The following BCKDHB variants were observed in gnomAD, a reference collection of about 807,000 sequenced individuals.
BCKDHB encodes 2-oxoisovalerate dehydrogenase subunit beta, mitochondrial.
In BCKDHB, 41 loss-of-function variants were observed where a neutral mutation model predicts 48.5. That is an observed-to-expected ratio of 0.85 (90% CI 0.66 to 1.10). The LOEUF (loss-of-function observed/expected upper bound fraction) is 1.10. Among genes scored for constraint, BCKDHB ranks in the 50% least tolerant of loss-of-function variants. BCKDHB has a pLI of 0.00. For synonymous variants in BCKDHB, 201 were observed against 174.8 expected (o/e 1.15, Z -1.18); for missense variants, 496 against 494.2 (o/e 1.00, Z -0.03).
At chr6:80,302,413 CA>C (rs1767633090) in intron 9 of BCKDHB, among the ~76,000 whole-genome samples, 1 of 151,970 alleles carries the variant, frequency 6.6e-6, no homozygotes, top group Non-Finnish European at 1.5e-5. Context: ...TTTTTTCTTA[CA>C]AATTTTTGCA....
intron 3 of BCKDHB, among the ~76,000 whole-genome samples, chr6:80,159,630 C>A (rs546398847): frequency 6.6e-6 from 1 of 152,256 alleles, no homozygotes; most frequent in South Asian, 2.1e-4. Flanking sequence ...TTATCTTTAT[C>A]AAATTTTTCA....
At chr6:80,457,215 C>T in the BCKDHB span, among the ~76,000 whole-genome samples, 2 of 152,188 alleles carry the variant, frequency 1.3e-5, no homozygotes, top group Non-Finnish European at 2.9e-5. Flanking sequence ...CTGAACATGG[C>T]ATACCTGGTG....
intron 6 of BCKDHB, among the ~76,000 whole-genome samples, chr6:80,186,576 G>T (rs1773651853): frequency 6.6e-6 from 1 of 152,320 alleles, no homozygotes; most frequent in South Asian, 2.1e-4. Flanking sequence ...GCTTGTATCT[G>T]CAAGTTATAT....
the BCKDHB span, among the ~76,000 whole-genome samples, chr6:80,431,205 T>A: frequency 6.6e-6 from 1 of 152,208 alleles, no homozygotes; most frequent in Non-Finnish European, 1.5e-5. Flanking sequence ...TTATTTCAGT[T>A]CTTTTGCATT....
rs926938301 is a variant in BCKDHB at position 80,308,061 on chromosome 6, A to G, written c.1038+34840A>G. 8 of 314,650 alleles carry G rather than the reference A, an allele frequency of 2.5e-5. No individual in the cohort carries two copies. In the Admixed American group the frequency reaches 5.2e-4, roughly 20 times the overall value. 19.5% of individuals were successfully genotyped at this position (314,650 alleles called of 1,614,324 possible). ...TAGTCTAGTGAGAAATAAAACAAAT[A>G]TATGAATTAATTATAATATAAAATA... On this transcript the variant is annotated intron_variant, in intron 9 of 9. Coordinates refer to ENST00000320393, the MANE Select transcript of BCKDHB (RefSeq NM_183050.4).
intron 6 of BCKDHB, among the ~76,000 whole-genome samples, chr6:80,177,202 T>C (rs925092398): frequency 7.8e-5 from 9 of 114,996 alleles, no homozygotes; most frequent in Admixed American, 2.6e-4. Flanking sequence ...CATTCTAGCC[T>C]GGATGACAGT....
the BCKDHB span, among the ~76,000 whole-genome samples, chr6:80,457,059 T>C: frequency 1.3e-5 from 2 of 152,216 alleles, no homozygotes; most frequent in Non-Finnish European, 2.9e-5. Context: ...ACTTATATTG[T>C]GAACTTATGT....
chr6:80,220,734 C>CTTTTTTTTTTTTTTTTTTT (rs67235328), intron 8 of BCKDHB, among the ~76,000 whole-genome samples: 2 of 121,954 alleles, frequency 1.6e-5, no homozygotes, highest in African/African-American at 3.0e-5. Context: ...TTTTCTTTTT[C>CTTTTTTTTTTTTTTTTTTT]TTTTTTTTTT....
intron 1 of BCKDHB, among the ~76,000 whole-genome samples, chr6:80,114,527 G>A (rs916768677): frequency 3.9e-5 from 6 of 152,126 alleles, no homozygotes; most frequent in Non-Finnish European, 8.8e-5. Context: ...GGGATAAAAG[G>A]CATGAGCCAC....
At chr6:80,152,881 C>T (rs1448820106) in intron 3 of BCKDHB, among the ~76,000 whole-genome samples, 2 of 152,146 alleles carry the variant, frequency 1.3e-5, no homozygotes, top group Non-Finnish European at 2.9e-5. Flanking sequence ...GCATATAGCT[C>T]AGGGACCCTT....
chr6:80,374,103 A>G, the BCKDHB span: 2 of 702,980 alleles, frequency 2.8e-6, no homozygotes, highest in East Asian at 5.8e-5. Context: ...TTTAGGAGCA[A>G]TCTGTTCCTT....
intron 9 of BCKDHB, among the ~76,000 whole-genome samples, chr6:80,338,671 T>G (rs1769725777): frequency 6.6e-6 from 1 of 152,192 alleles, no homozygotes; most frequent in Non-Finnish European, 1.5e-5. Context: ...TTAATGATAA[T>G]TTGTTCTATT....
intron 8 of BCKDHB, among the ~76,000 whole-genome samples, chr6:80,229,459 G>A (rs943512001): frequency 4.6e-5 from 7 of 152,150 alleles, no homozygotes; most frequent in African/African-American, 1.7e-4. Flanking sequence ...ACAGCAATAA[G>A]CTTGGTGTGG....
At chr6:80,226,563 G>GT (rs1314255819) in intron 8 of BCKDHB, among the ~76,000 whole-genome samples, 2 of 152,214 alleles carry the variant, frequency 1.3e-5, no homozygotes, top group African/African-American at 4.8e-5. Flanking sequence ...TCTTTGACAA[G>GT]TAAGTGTTGA....
chr6:80,279,975 T>C (rs1352319640), intron 9 of BCKDHB, among the ~76,000 whole-genome samples: 1 of 152,114 alleles, frequency 6.6e-6, no homozygotes, highest in Admixed American at 6.6e-5. Context: ...TGAAGGTAGG[T>C]GGGTATTTCA....
the BCKDHB span, among the ~76,000 whole-genome samples, chr6:80,369,643 C>T: frequency 2.0e-5 from 3 of 152,198 alleles, no homozygotes; most frequent in African/African-American, 7.2e-5. Context: ...CACTAACTGC[C>T]TGCAACGCCA....
intron 9 of BCKDHB, among the ~76,000 whole-genome samples, chr6:80,310,989 T>A (rs534994190): frequency 6.6e-6 from 1 of 152,206 alleles, no homozygotes; most frequent in African/African-American, 2.4e-5. Context: ...TTATAAATGC[T>A]GGATATTAGA....
intron 9 of BCKDHB, among the ~76,000 whole-genome samples, chr6:80,300,623 C>A (rs960306642): frequency 6.6e-5 from 10 of 152,182 alleles, no homozygotes. Flanking sequence ...CTAATAAACT[C>A]TGGATGTTAA....
chr6:80,431,013 C>T, the BCKDHB span, among the ~76,000 whole-genome samples: 4 of 152,034 alleles, frequency 2.6e-5, no homozygotes, highest in Admixed American at 6.6e-5. Flanking sequence ...GATTCTGGTC[C>T]GTTGTGTCTT....
Sources: gnomAD v4.1 joint callset for allele counts (sites outside exome capture counted in the v4.1 genomes callset) on GRCh38, gnomAD v4.1.1 for gene constraint, MANE v1.5 for transcripts, NCBI Gene and HGNC (gene_info 2026-07-23, HGNC 2026-07-21) for gene names.